Variants in SCARB2 observed in about 807,000 individuals in gnomAD.
SCARB2 encodes the protein lysosome membrane protein 2.
Under a neutral mutation model 58.6 loss-of-function variants are expected in SCARB2, and 29 were observed. The observed-to-expected ratio is 0.49, with a 90% confidence interval of 0.37 to 0.67. SCARB2 has a LOEUF of 0.67. Among genes scored for constraint, SCARB2 ranks in the 30% least tolerant of loss-of-function variants. SCARB2 has a pLI of 0.00. For synonymous variants in SCARB2, 195 were observed against 210.1 expected, an observed-to-expected ratio of 0.93 and a Z score of 0.62; for missense variants, 488 against 578.5, an observed-to-expected ratio of 0.84 and a Z score of 1.60.
intron 6 of SCARB2, 23 bp from the exon 7 acceptor site, chr4:76,174,336 A>T: frequency 6.2e-7 from 1 of 1,612,448 alleles, no homozygotes; most frequent in Non-Finnish European, 8.5e-7. Context: ...AAGAATAAAA[A>T]GTGAATGTGG....
At chr4:76,214,367 G>T, upstream of SCARB2, 1 of 447,858 alleles carries the variant, frequency 2.2e-6, no homozygotes, top group Non-Finnish European at 4.5e-6. Context: ...AGGGGCATGT[G>T]CAAGAATGGA....
rs780194648 is a variant in SCARB2 at position 76,169,965 on chromosome 4, A to G, written c.1015T>C (p.Phe339Leu). The G allele has an allele frequency of 6.2e-7, 1 of 1,613,956 alleles. No individual in the cohort carries two copies. Among genetic ancestry groups the G allele is most frequent in the East Asian group, 2.2e-5 (1 of 44,858 alleles). Reference protein sequence around the residue: ...CKNGAPIIMSFPHFYQADERF... With the variant: ...CKNGAPIIMSLPHFYQADERF... The stretch of plus-strand genomic sequence containing the variant: ...TCATCTGCTTGGTAAAAGTGTGGGA[A>G]AGACATAATGATGGGTGCACCTGCA... Residue 339 changes from phenylalanine (F) to leucine (L), a missense_variant, in exon 8 of 12, where the codon TTC becomes CTC. Transcript: ENST00000264896.
Position 76,158,989 on chromosome 4 carries a change from A to G in SCARB2, c.*2724T>C, listed in dbSNP as rs1731839059. The G allele has an allele frequency of 6.6e-6, 1 of 152,222 alleles. No individual in the cohort carries two copies. The highest frequency in any genetic ancestry group is 2.4e-5 in the African/African-American group (1 of 41,454). The allele number at this position is 152,222 out of a possible 1,614,324, so 9.4% of individuals were successfully genotyped here. A position where few individuals can be genotyped will look rare whatever the true frequency, so the allele number is the denominator to read the frequency against. ...TAGCCTCCCTTAAGTTAAAAACCCCAATAGGGGTTAGTCGTGTAGTGCTTG... is the reference window on the plus strand; with the variant it reads ...TAGCCTCCCTTAAGTTAAAAACCCCGATAGGGGTTAGTCGTGTAGTGCTTG... On this transcript the variant is annotated 3_prime_UTR_variant, in exon 12 of 12. Coordinates refer to ENST00000264896, the MANE Select transcript of SCARB2 (RefSeq NM_005506.4).
At chr4:76,182,330 T>C (rs1197722469) in intron 2 of SCARB2, among the ~76,000 whole-genome samples, 1 of 152,344 alleles carries the variant, frequency 6.6e-6, no homozygotes, top group South Asian at 2.1e-4. Context: ...GTGTAAAATA[T>C]ATACAGAATT....
chr4:76,180,822 G>GT, intron 3 of SCARB2, 132 bp downstream of exon 3: 1 of 632,428 alleles, frequency 1.6e-6, no homozygotes, highest in Non-Finnish European at 2.5e-6. Flanking sequence ...AAGAAAAGAA[G>GT]TATTTTTCTT....
chr4:76,170,627 C>T (rs911180424), intron 7 of SCARB2, among the ~76,000 whole-genome samples: 27 of 152,164 alleles, frequency 1.8e-4, no homozygotes, highest in Admixed American at 1.2e-3. Context: ...AAGCAATTCT[C>T]CTGCCTCAGC....
At chr4:76,178,204 T>C (rs749346373) in intron 4 of SCARB2, among the ~76,000 whole-genome samples, 1 of 152,236 alleles carries the variant, frequency 6.6e-6, no homozygotes, top group East Asian at 1.9e-4. Flanking sequence ...ATACAGACAC[T>C]ACATTCCTAA....
At chr4:76,211,679 C>T (rs1366231979) in intron 1 of SCARB2, among the ~76,000 whole-genome samples, 1 of 152,138 alleles carries the variant, frequency 6.6e-6, no homozygotes, top group Non-Finnish European at 1.5e-5. Context: ...GTGTAACATC[C>T]TCAATCTTTC....
intron 1 of SCARB2, among the ~76,000 whole-genome samples, chr4:76,209,816 G>A (rs1733003658): frequency 6.6e-6 from 1 of 152,188 alleles, no homozygotes; most frequent in South Asian, 2.1e-4. Flanking sequence ...GAGACCTAAT[G>A]CTACAGTCCT....
intron 2 of SCARB2, among the ~76,000 whole-genome samples, chr4:76,188,556 T>C (rs3863532): frequency 0.11 from 16,163 of 152,200 alleles, 1,052 homozygotes; most frequent in East Asian, 0.21. Flanking sequence ...CACACCAATC[T>C]GTACTAACTG....
intron 2 of SCARB2, chr4:76,194,824 C>T (rs1398905036): frequency 6.6e-6 from 1 of 152,054 alleles, no homozygotes; most frequent in Non-Finnish European, 1.5e-5. Context: ...CTGATTCAAG[C>T]GTCTCCCTCT....
At chr4:76,183,702 T>G (rs943104398) in intron 2 of SCARB2, among the ~76,000 whole-genome samples, 2 of 152,190 alleles carry the variant, frequency 1.3e-5, no homozygotes, top group East Asian at 3.9e-4. Flanking sequence ...CAACCCAACT[T>G]TCAGCCCCTC....
At chr4:76,189,537 C>T (rs1027875915) in intron 2 of SCARB2, among the ~76,000 whole-genome samples, 1 of 152,134 alleles carries the variant, frequency 6.6e-6, no homozygotes, top group Admixed American at 6.5e-5. Context: ...GGCTGGCATT[C>T]GGTGGCGTGA....
At chr4:76,230,562 C>G (rs13136819) in intron 1 of SCARB2, among the ~76,000 whole-genome samples, 22,790 of 152,134 alleles carry the variant, frequency 0.15, 2,040 homozygotes, top group East Asian at 0.35. Context: ...GGATTCTGCT[C>G]AAGAGAGTTT....
chr4:76,223,376 T>C (rs1204786981), intron 1 of SCARB2, among the ~76,000 whole-genome samples: 1 of 152,148 alleles, frequency 6.6e-6, no homozygotes, highest in Non-Finnish European at 1.5e-5. Flanking sequence ...CCACCCCTTA[T>C]TGGGTCCTAC....
chr4:76,166,581 G>A (rs1047927562), intron 9 of SCARB2: 14 of 513,972 alleles, frequency 2.7e-5, no homozygotes, highest in Non-Finnish European at 4.9e-5. Context: ...GAAGGCTCCA[G>A]TCGACAGAAC....
At position 76,160,188 on chromosome 4, in the gene SCARB2, G is replaced by C. The variant is rs1401881908; in HGVS notation, c.*1525C>G. 1.3e-5 allele frequency: 2 copies of C among 152,096 alleles called. No homozygotes were observed. Among genetic ancestry groups the C allele is most frequent in the African/African-American group, 4.8e-5 (2 of 41,414 alleles). 9.4% of individuals were successfully genotyped at this position (152,096 alleles called of 1,614,324 possible). On this transcript the variant is annotated 3_prime_UTR_variant, in exon 12 of 12. Coordinates refer to ENST00000264896, the MANE Select transcript of SCARB2 (RefSeq NM_005506.4). ...TAAAACAATTTATTACCTCAATACA[G>C]GGATAAGAAGCTATGGAAATGAAAT...
At chr4:76,233,245 C>T (rs1733522907) in intron 1 of SCARB2, among the ~76,000 whole-genome samples, 1 of 151,642 alleles carries the variant, frequency 6.6e-6, no homozygotes, top group Non-Finnish European at 1.5e-5. Flanking sequence ...GTTTTGCCTT[C>T]TTAATTAAGG....
intron 1 of SCARB2, among the ~76,000 whole-genome samples, chr4:76,229,450 T>A (rs1483844152): frequency 6.6e-6 from 1 of 152,222 alleles, no homozygotes; most frequent in Non-Finnish European, 1.5e-5. Context: ...ACTTTTCTGA[T>A]TCCTTCTCAT....
Sources: allele counts gnomAD v4.1 joint callset (sites outside exome capture counted in the v4.1 genomes callset), GRCh38; gene constraint gnomAD v4.1.1; transcripts MANE v1.5; gene names NCBI Gene and HGNC (gene_info 2026-07-23, HGNC 2026-07-21).